FBN1: variants seen among roughly 807,000 people sequenced by gnomAD.
FBN1 encodes fibrillin 1, also known as fibrillin-1.
In FBN1, 29 loss-of-function variants were observed where a neutral mutation model predicts 365.1. That is an observed-to-expected ratio of 0.08 (90% CI 0.06 to 0.11). The LOEUF is 0.11. Ranked by LOEUF, FBN1 falls within the 10% of genes least tolerant of loss-of-function variation. FBN1 has a pLI of 1.00. For missense variants in FBN1, 2,476 were observed against 3,703.2 expected, an observed-to-expected ratio of 0.67 and a Z score of 8.60; for synonymous variants, 1,210 against 1,270.5, an observed-to-expected ratio of 0.95 and a Z score of 1.01.
chr15:48,579,335 A>G (rs1027725059), intron 6 of FBN1, among the ~76,000 whole-genome samples: 10 of 152,214 alleles, frequency 6.6e-5, no homozygotes, highest in African/African-American at 2.2e-4. Flanking sequence ...GAACAATTCT[A>G]TCTATGAAGC....
chr15:48,497,695 A>T (rs2043619741), intron 18 of FBN1, among the ~76,000 whole-genome samples: 1 of 152,120 alleles, frequency 6.6e-6, no homozygotes. Context: ...AAGATGGAAA[A>T]ATGGATCGAC....
chr15:48,481,648 A>T lies in FBN1; in HGVS notation c.3964+7T>A. ...AATATTTTATTGTTCTACTTGAACA[A>T]ACACACCTGTACAGCCAGTTTTTCC... On this transcript the variant is annotated splice_region_variant and intron_variant, in intron 32 of 65. Transcript: ENST00000316623. 6.2e-7 allele frequency: 1 copy of T among 1,613,588 alleles called. No homozygotes were observed.
At chr15:48,489,664 C>A (rs1431834719) in intron 25 of FBN1, among the ~76,000 whole-genome samples, 187 bp downstream of exon 25, 1 of 151,884 alleles carries the variant, frequency 6.6e-6, no homozygotes, top group East Asian at 1.9e-4. Context: ...CAATTTTAAC[C>A]CCCAGGACTT....
At chr15:48,606,368 T>C (rs1045874442) in intron 4 of FBN1, among the ~76,000 whole-genome samples, 1 of 152,152 alleles carries the variant, frequency 6.6e-6, no homozygotes, top group Admixed American at 6.5e-5. Context: ...CAAACAAACT[T>C]GTGGTACATC....
rs1227509064 is a variant in FBN1 at position 48,481,734 on chromosome 15, G to T, written c.3885C>A (p.Thr1295=). Reference sequence around the variant, plus strand: ...TAAATGAGCCTTTCGTGTTTTCACAGGTCCCACTTAGGCAGATATTTGGAT... The same window carrying T: ...TAAATGAGCCTTTCGTGTTTTCACATGTCCCACTTAGGCAGATATTTGGAT... ...DLNPNICLSG[T]CENTKGSFIC... The change falls in exon 32 of 66, where the codon ACC becomes ACA. Residue 1295 remains threonine (T), a synonymous_variant. Coordinates refer to ENST00000316623, the MANE Select transcript of FBN1 (RefSeq NM_000138.5). 2 of 1,613,724 alleles carry T rather than the reference G, an allele frequency of 1.2e-6. No individual in the cohort carries two copies. Among genetic ancestry groups the T allele is most frequent in the Admixed American group, 1.7e-5 (1 of 60,000 alleles).
rs1297814403 is a variant in FBN1 at position 48,488,464 on chromosome 15, G to A, written c.3112C>T (p.Leu1038Phe). The change falls in exon 26 of 66, where the codon CTC becomes TTC. Residue 1038 changes from leucine to phenylalanine, a missense_variant. Around this residue, in one of 5 missense-constraint regions of FBN1, gnomAD observed 1,780 missense variants for 2,840.8 expected, o/e 0.63. Coordinates refer to ENST00000316623, the MANE Select transcript of FBN1 (RefSeq NM_000138.5). Reference protein sequence around the residue: ...DINECKMIPSLCTHGKCRNTI... With the variant: ...DINECKMIPSFCTHGKCRNTI... ...TTTCTGCACTTGCCGTGGGTGCAGA[G>A]GCTGGGTATCATCTTGCACTCATTG... 1 of 1,614,110 alleles carries A rather than the reference G, an allele frequency of 6.2e-7. No homozygotes were observed. Among genetic ancestry groups the A allele is most frequent in the Non-Finnish European group, 8.5e-7 (1 of 1,180,012 alleles).
chr15:48,551,416 T>C (rs1204968888), intron 6 of FBN1, among the ~76,000 whole-genome samples: 4 of 152,234 alleles, frequency 2.6e-5, no homozygotes, highest in Non-Finnish European at 5.9e-5. Flanking sequence ...CCTGGCCTTT[T>C]GTTAAAAACA....
chr15:48,457,484 A>T (rs562755431), intron 43 of FBN1, among the ~76,000 whole-genome samples: 1 of 152,188 alleles, frequency 6.6e-6, no homozygotes, highest in Non-Finnish European at 1.5e-5. Context: ...AAACAGGACC[A>T]AGAGTGAGAA....
At chr15:48,518,567 T>C (rs565455604) in intron 10 of FBN1, among the ~76,000 whole-genome samples, 2 of 152,354 alleles carry the variant, frequency 1.3e-5, no homozygotes, top group African/African-American at 2.4e-5. Context: ...TGCCATTAAA[T>C]TCATCTTAAC....
chr15:48,467,806 A>C (rs2043334705), intron 38 of FBN1, 132 bp downstream of exon 38: 1 of 837,550 alleles, frequency 1.2e-6, no homozygotes, highest in East Asian at 2.5e-5. Context: ...ATTGGGAATA[A>C]GGTCCCCTCT....
intron 62 of FBN1, among the ~76,000 whole-genome samples, chr15:48,421,095 ATT>A (rs977122563): frequency 6.9e-6 from 1 of 145,844 alleles, no homozygotes; most frequent in Non-Finnish European, 1.5e-5. Context: ...TTTTTTTTTT[ATT>A]TTTGGTGCCA....
intron 54 of FBN1, among the ~76,000 whole-genome samples, chr15:48,433,856 C>T (rs918346663): frequency 2.6e-5 from 4 of 152,116 alleles, no homozygotes; most frequent in African/African-American, 9.7e-5. Flanking sequence ...CTGCCTTCAC[C>T]TCTCCTTCAT....
intron 6 of FBN1, among the ~76,000 whole-genome samples, chr15:48,557,556 GC>G (rs1319913455): frequency 1.3e-5 from 2 of 152,166 alleles, no homozygotes; most frequent in Non-Finnish European, 2.9e-5. Flanking sequence ...CTGAGCAAGC[GC>G]CATTCAAGCC....
chr15:48,472,544 C>A lies in FBN1; in HGVS notation c.4336+7G>T, dbSNP rs760603409. The stretch of plus-strand genomic sequence containing the variant: ...GCAAGGCTCCCAGTGGCTTCCCCAT[C>A]AGTTACCTTCACAGGCTTTCCCGTC... On this transcript the variant is annotated splice_region_variant and intron_variant, in intron 35 of 65. Transcript: ENST00000316623. 5.0e-6 allele frequency: 8 copies of A among 1,612,612 alleles called. No individual in the cohort carries two copies. The African/African-American group carries it at 8.0e-5, about 16-fold the overall frequency.
intron 6 of FBN1, among the ~76,000 whole-genome samples, chr15:48,538,156 C>A (rs2044029363): frequency 6.6e-6 from 1 of 152,158 alleles, no homozygotes; most frequent in African/African-American, 2.4e-5. Context: ...ATATCAGTGC[C>A]TACACTGAAT....
chr15:48,624,040 T>C (rs1889823276), intron 2 of FBN1, among the ~76,000 whole-genome samples: 1 of 151,372 alleles, frequency 6.6e-6, no homozygotes, highest in Non-Finnish European at 1.5e-5. Context: ...GAAAAGGCAG[T>C]TCCTCGGATC....
chr15:48,605,830 G>T (rs924707036), intron 4 of FBN1, among the ~76,000 whole-genome samples: 1 of 152,220 alleles, frequency 6.6e-6, no homozygotes, highest in African/African-American at 2.4e-5. Context: ...AGCTGAGATC[G>T]CACCACTGTA....
intron 4 of FBN1, among the ~76,000 whole-genome samples, chr15:48,603,851 C>A (rs1288983490): frequency 2.6e-5 from 4 of 152,178 alleles, no homozygotes; most frequent in African/African-American, 4.8e-5. Flanking sequence ...TGAGGACCTG[C>A]CCTTGAAGAC....
intron 4 of FBN1, among the ~76,000 whole-genome samples, chr15:48,610,131 A>C (rs1478131442): frequency 6.6e-6 from 1 of 152,158 alleles, no homozygotes; most frequent in Non-Finnish European, 1.5e-5. Context: ...ACTTGCCCAA[A>C]CCCCCAAAAG....
Sources: gnomAD v4.1 joint callset for allele counts (sites outside exome capture counted in the v4.1 genomes callset) on GRCh38, gnomAD v4.1.1 for gene constraint, gnomAD v4.1.1 regional missense constraint, MANE v1.5 for transcripts, NCBI Gene and HGNC (gene_info 2026-07-23, HGNC 2026-07-21) for gene names.